The following ST6GALNAC3 variants were observed in gnomAD, a reference collection of about 807,000 sequenced individuals.
ST6GALNAC3 encodes alpha-N-acetylgalactosaminide alpha-2,6-sialyltransferase 3.
ST6GALNAC3 carries 25 observed loss-of-function variants against 32.7 expected under a neutral mutation model. The ratio of observed to expected loss-of-function variants is 0.76; its 90% confidence interval spans 0.56 to 1.07. The LOEUF (loss-of-function observed/expected upper bound fraction) is 1.07, where lower values mean the gene tolerates loss of function less well. Among genes scored for constraint, ST6GALNAC3 ranks in the 50% least tolerant of loss-of-function variants. The pLI, the probability that ST6GALNAC3 is intolerant of heterozygous loss-of-function variation, is 0.00. For missense variants in ST6GALNAC3, 355 were observed against 382.4 expected (o/e 0.93, Z 0.60); for synonymous variants, 129 against 133.1 (o/e 0.97, Z 0.21).
Position 76,097,354 on chromosome 1 carries a change from G to T in ST6GALNAC3, c.18+22470G>T, listed in dbSNP as rs113432628. On this transcript the variant is annotated intron_variant, in intron 1 of 4. Coordinates refer to ENST00000328299, the MANE Select transcript of ST6GALNAC3 (RefSeq NM_152996.4). ...GGGAGGTGATTAAATCATGGGGGTG[G>T]TTACCTCCATGCTGTTCTCGTGATA... is the stretch of plus-strand genomic sequence containing the variant. Among the ~76,000 whole-genome samples the T allele has an allele frequency of 6.4e-3, 970 of 152,266 alleles. 13 individuals are homozygous for T. The highest frequency in any genetic ancestry group is 0.022 in the African/African-American group (923 of 41,568).
chr1:76,427,201 T>A (rs899237006), intron 3 of ST6GALNAC3, among the ~76,000 whole-genome samples: 8 of 152,128 alleles, frequency 5.3e-5, no homozygotes, highest in African/African-American at 1.9e-4. Context: ...CTTTCTCAAG[T>A]CCCACCTCTT....
chr1:76,511,513 G>T (rs2101758112), intron 3 of ST6GALNAC3, among the ~76,000 whole-genome samples: 1 of 152,282 alleles, frequency 6.6e-6, no homozygotes, highest in Middle Eastern at 3.4e-3. Context: ...CCTGAGCACA[G>T]CTCGGGTATT....
intron 2 of ST6GALNAC3, among the ~76,000 whole-genome samples, chr1:76,395,363 C>T (rs1396628973): frequency 1.3e-5 from 2 of 152,092 alleles, no homozygotes; most frequent in Non-Finnish European, 2.9e-5. Flanking sequence ...TTAGTATAGT[C>T]ATTATGGAAA....
chr1:76,273,992 TGGA>T (rs992741280), intron 1 of ST6GALNAC3, among the ~76,000 whole-genome samples: 4 of 152,244 alleles, frequency 2.6e-5, no homozygotes, highest in African/African-American at 9.6e-5. Context: ...ACAGAAACTT[TGGA>T]GTATACATAA....
intron 3 of ST6GALNAC3, among the ~76,000 whole-genome samples, chr1:76,614,161 A>G (rs1648123221): frequency 1.3e-5 from 2 of 152,214 alleles, no homozygotes; most frequent in Admixed American, 1.3e-4. Context: ...TAGATGGGGC[A>G]CCTTTGCCAA....
chr1:76,118,358 C>T (rs572180640), intron 1 of ST6GALNAC3, among the ~76,000 whole-genome samples: 92 of 152,312 alleles, frequency 6.0e-4, no homozygotes, highest in African/African-American at 2.0e-3. Flanking sequence ...GCTCTTTTAC[C>T]TTAAAAATGT....
intron 2 of ST6GALNAC3, among the ~76,000 whole-genome samples, chr1:76,335,711 T>C (rs984605526): frequency 3.9e-5 from 6 of 152,182 alleles, no homozygotes; most frequent in Admixed American, 6.5e-5. Flanking sequence ...TATCTCCTTT[T>C]CCAATTATGT....
In ST6GALNAC3 at chr1:76,495,819, G is replaced by A. The variant is rs567307409; in HGVS notation, c.623+83402G>A. ...TGGAACCCAGTGGGAAAGAACTACA[G>A]AACGAAATGGTAAATCAAATATCGA... On this transcript the variant is annotated intron_variant, in intron 3 of 4. Coordinates refer to ENST00000328299, the MANE Select transcript of ST6GALNAC3 (RefSeq NM_152996.4). Among the ~76,000 whole-genome samples the A allele has an allele frequency of 5.9e-5, 9 of 152,208 alleles. No homozygotes were observed. In the South Asian group the frequency reaches 1.9e-3, roughly 32 times the overall value.
At chr1:76,131,054 G>A (rs1023445765) in intron 1 of ST6GALNAC3, among the ~76,000 whole-genome samples, 1 of 152,230 alleles carries the variant, frequency 6.6e-6, no homozygotes, top group Non-Finnish European at 1.5e-5. Context: ...GATGGGGTAT[G>A]TGTTGTCTCC....
intron 2 of ST6GALNAC3, among the ~76,000 whole-genome samples, chr1:76,351,335 A>T (rs1194324598): frequency 6.6e-6 from 1 of 152,146 alleles, no homozygotes; most frequent in Non-Finnish European, 1.5e-5. Context: ...TTCATTTATA[A>T]CATTTTCAAA....
intron 1 of ST6GALNAC3, among the ~76,000 whole-genome samples, chr1:76,075,351 A>T (rs1243568068): frequency 6.6e-6 from 1 of 151,538 alleles, no homozygotes; most frequent in Admixed American, 6.5e-5. Context: ...TCATGTGAAG[A>T]CAGAAACTTC....
intron 1 of ST6GALNAC3, chr1:76,307,930 C>G (rs764397087): frequency 1.9e-6 from 1 of 515,110 alleles, no homozygotes; most frequent in Non-Finnish European, 3.9e-6. Context: ...TATTCCCACT[C>G]TAAAGAGCAA....
At chr1:76,091,528 A>G (rs1229698858) in intron 1 of ST6GALNAC3, among the ~76,000 whole-genome samples, 6 of 152,240 alleles carry the variant, frequency 3.9e-5, no homozygotes, top group African/African-American at 1.4e-4. Flanking sequence ...CTATGCTCCA[A>G]ACCTTGAGCT....
At chr1:76,258,433 G>T (rs1361072006) in intron 1 of ST6GALNAC3, among the ~76,000 whole-genome samples, 1 of 152,120 alleles carries the variant, frequency 6.6e-6, no homozygotes, top group African/African-American at 2.4e-5. Flanking sequence ...AAAGAAATGG[G>T]CACCTTTGGC....
intron 2 of ST6GALNAC3, among the ~76,000 whole-genome samples, chr1:76,330,841 A>C (rs975718433): frequency 6.6e-6 from 1 of 152,146 alleles, no homozygotes; most frequent in African/African-American, 2.4e-5. Context: ...CAAAACCTCA[A>C]AATTGACAGA....
At chr1:76,228,212 T>C (rs1272908234) in intron 1 of ST6GALNAC3, among the ~76,000 whole-genome samples, 1 of 152,202 alleles carries the variant, frequency 6.6e-6, no homozygotes, top group Non-Finnish European at 1.5e-5. Flanking sequence ...TAGAACATTA[T>C]AGTTCAAGGG....
chr1:76,104,883 T>A (rs1278494749), intron 1 of ST6GALNAC3, among the ~76,000 whole-genome samples: 1 of 152,100 alleles, frequency 6.6e-6, no homozygotes, highest in East Asian at 1.9e-4. Flanking sequence ...AGTCCCCTTT[T>A]TAAAACCATC....
intron 3 of ST6GALNAC3, among the ~76,000 whole-genome samples, chr1:76,494,174 T>C (rs1660663838): frequency 6.6e-6 from 1 of 151,944 alleles, no homozygotes. Context: ...GAGAGTTAAA[T>C]GGTATCTCGA....
chr1:76,217,975 C>T (rs1289269718), intron 1 of ST6GALNAC3, among the ~76,000 whole-genome samples: 2 of 152,104 alleles, frequency 1.3e-5, no homozygotes, highest in African/African-American at 4.8e-5. Context: ...CTGCTATAAA[C>T]ATGCGTGTGC....
Sources: allele counts gnomAD v4.1 joint callset (sites outside exome capture counted in the v4.1 genomes callset), GRCh38; gene constraint gnomAD v4.1.1; transcripts MANE v1.5; gene names NCBI Gene and HGNC (gene_info 2026-07-23, HGNC 2026-07-21).